Variants in NAALAD2 observed in about 807,000 individuals in gnomAD.
NAALAD2 encodes N-acetylated-alpha-linked acidic dipeptidase 2.
A neutral mutation model predicts 95.6 loss-of-function variants in NAALAD2; 89 were observed. The ratio of observed to expected loss-of-function variants is 0.93; its 90% CI spans 0.78 to 1.11. The LOEUF is 1.11. Ranked by LOEUF, NAALAD2 falls within the 50% of genes least tolerant of loss-of-function variation. The pLI, the probability that NAALAD2 is intolerant of heterozygous loss-of-function variation, is 0.00. For synonymous variants in NAALAD2, 264 were observed against 294.4 expected (o/e 0.90, Z 1.06); for missense variants, 894 against 872.4 (o/e 1.02, Z -0.31).
At chr11:90,168,147 G>T in intron 11 of NAALAD2, among the ~76,000 whole-genome samples, 1 of 152,108 alleles carries the variant, frequency 6.6e-6, no homozygotes, top group South Asian at 2.1e-4. Context: ...AACAACTCCA[G>T]ATGGGCCGCC....
At chr11:90,157,629 T>C (rs1952154775) in intron 6 of NAALAD2, among the ~76,000 whole-genome samples, 1 of 152,190 alleles carries the variant, frequency 6.6e-6, no homozygotes, top group Non-Finnish European at 1.5e-5. Context: ...AAAACAAATT[T>C]GGAAAACTGC....
chr11:90,183,587 G>A (rs540070361), intron 18 of NAALAD2, among the ~76,000 whole-genome samples: 135 of 152,080 alleles, frequency 8.9e-4, no homozygotes, highest in Middle Eastern at 6.8e-3. Context: ...TCATTTTTCG[G>A]CGTTATGATG....
At position 90,171,369 on chromosome 11, in the gene NAALAD2, C is replaced by T. The variant is rs143518372; in HGVS notation, c.1410+1233C>T. ...TCCAAATGAAACTCCTCTCATTTTC[C>T]TCATCACAATGCTCTCACCATCTTG... On this transcript the variant is annotated intron_variant, in intron 13 of 18. Transcript: ENST00000534061. Among the ~76,000 whole-genome samples, 377 of 152,226 alleles carry T rather than the reference C, an allele frequency of 2.5e-3. 4 individuals are homozygous for T. The highest frequency in any genetic ancestry group is 0.021 in the Admixed American group (324 of 15,282).
Position 90,181,607 on chromosome 11 carries a change from A to G in NAALAD2, c.1859-13A>G, listed in dbSNP as rs1952970016. The G allele has an allele frequency of 1.3e-6, 2 of 1,563,330 alleles. No individual in the cohort carries two copies. The highest frequency in any genetic ancestry group is 1.8e-6 in the Non-Finnish European group (2 of 1,141,912). On this transcript the variant is annotated splice_polypyrimidine_tract_variant and intron_variant, in intron 16 of 18. Coordinates refer to ENST00000534061, the MANE Select transcript of NAALAD2 (RefSeq NM_005467.4). ...GAGCTAATTTCTCTTCTTCTTTTCT[A>G]TTTTTAAAAAAGACTCCTTATTTTC...
intron 12 of NAALAD2, 139 bp from the exon 13 acceptor site, chr11:90,169,930 G>A (rs754900249): frequency 3.4e-5 from 22 of 650,302 alleles, no homozygotes; most frequent in African/African-American, 5.5e-5. Context: ...TTTCCACCCT[G>A]TTTTATTCTT....
chr11:90,163,306 C>G lies in NAALAD2; in HGVS notation c.1076-4C>G. ...GTAGGTTTCTTGAACGTATTATTTTCCAGACAGGTATGTTATTCTGGGAGG... is the reference window on the plus strand; with the variant it reads ...GTAGGTTTCTTGAACGTATTATTTTGCAGACAGGTATGTTATTCTGGGAGG... On this transcript the variant is annotated splice_region_variant and splice_polypyrimidine_tract_variant and intron_variant, in intron 9 of 18. Coordinates refer to ENST00000534061, the MANE Select transcript of NAALAD2 (RefSeq NM_005467.4). 1 of 1,610,576 alleles carries G rather than the reference C, an allele frequency of 6.2e-7. No homozygotes were observed. The highest frequency in any genetic ancestry group is 8.5e-7 in the Non-Finnish European group (1 of 1,178,600).
At chr11:90,152,519 A>T (rs1951917019) in intron 6 of NAALAD2, 35 bp downstream of exon 6, 1 of 1,530,422 alleles carries the variant, frequency 6.5e-7, no homozygotes, top group Non-Finnish European at 8.9e-7. Context: ...CCAATTTTGC[A>T]AAAATACTCC....
chr11:90,132,351 A>T (rs1951365087), upstream of NAALAD2: 1 of 152,402 alleles, frequency 6.6e-6, no homozygotes, highest in South Asian at 2.1e-4. Flanking sequence ...GCAAGAAAAA[A>T]TAAATTTAAT....
intron 16 of NAALAD2, among the ~76,000 whole-genome samples, chr11:90,179,559 A>C (rs1431480248): frequency 6.6e-6 from 1 of 152,138 alleles, no homozygotes; most frequent in Non-Finnish European, 1.5e-5. Flanking sequence ...AAGCAAATAA[A>C]ATGTGTTTAT....
At chr11:90,154,030 C>CCTCTCT (rs57531442) in intron 6 of NAALAD2, among the ~76,000 whole-genome samples, 1 of 149,208 alleles carries the variant, frequency 6.7e-6, no homozygotes, top group African/African-American at 2.5e-5. Context: ...GCCCTTCCTT[C>CCTCTCT]CTCTCTCTCT....
intron 18 of NAALAD2, among the ~76,000 whole-genome samples, chr11:90,191,194 AAATT>A (rs982703256): frequency 3.3e-5 from 5 of 152,156 alleles, no homozygotes; most frequent in Non-Finnish European, 5.9e-5. Flanking sequence ...ACACAAAAAT[AAATT>A]ATCTTTCTCA....
intron 13 of NAALAD2, among the ~76,000 whole-genome samples, chr11:90,172,518 C>A (rs114800374): frequency 7.2e-5 from 11 of 152,190 alleles, no homozygotes; most frequent in Non-Finnish European, 1.6e-4. Flanking sequence ...GTGCCAATAC[C>A]CAACATCTTT....
chr11:90,169,900 C>G (rs753346663), intron 12 of NAALAD2, among the ~76,000 whole-genome samples, 169 bp from the exon 13 acceptor site: 1 of 152,020 alleles, frequency 6.6e-6, no homozygotes, highest in Non-Finnish European at 1.5e-5. Context: ...GGTGCAGGCT[C>G]TCTTGCTCCT....
intron 18 of NAALAD2, among the ~76,000 whole-genome samples, chr11:90,188,933 C>A (rs533633964): frequency 6.6e-6 from 1 of 152,162 alleles, no homozygotes; most frequent in East Asian, 1.9e-4. Context: ...AACCCCAGAA[C>A]CTTTGAATAT....
At chr11:90,131,737 T>G (rs1951355573), upstream of NAALAD2, 1 of 152,218 alleles carries the variant, frequency 6.6e-6, no homozygotes, top group Non-Finnish European at 1.5e-5. Context: ...GCTTCAGGGT[T>G]ACAAAACTGC....
At chr11:90,175,830 C>T in intron 14 of NAALAD2, 142 bp from the exon 15 acceptor site, 1 of 432,464 alleles carries the variant, frequency 2.3e-6, no homozygotes, top group Non-Finnish European at 4.0e-6. Context: ...GGTGGTTGAC[C>T]TTTTTTAAAT....
intron 8 of NAALAD2, among the ~76,000 whole-genome samples, chr11:90,160,017 G>T (rs1952250275): frequency 1.6e-5 from 2 of 121,700 alleles, no homozygotes; most frequent in African/African-American, 2.6e-5. Context: ...AAGAGAGAAG[G>T]GGGCCAAAAT....
chr11:90,148,337 T>G (rs565150429), intron 3 of NAALAD2, among the ~76,000 whole-genome samples: 85 of 152,212 alleles, frequency 5.6e-4, no homozygotes, highest in Non-Finnish European at 1.1e-3. Flanking sequence ...AGGACTTGAT[T>G]AGTGATTGAC....
intron 1 of NAALAD2, 129 bp downstream of exon 1, chr11:90,134,969 A>G (rs1454183233): frequency 1.1e-6 from 1 of 922,704 alleles, no homozygotes; most frequent in African/African-American, 1.6e-5. Flanking sequence ...AGATATGATA[A>G]ACTCTGCACA....
Sources: gnomAD v4.1 joint callset for allele counts (sites outside exome capture counted in the v4.1 genomes callset) on GRCh38, gnomAD v4.1.1 for gene constraint, MANE v1.5 for transcripts, NCBI Gene and HGNC (gene_info 2026-07-23, HGNC 2026-07-21) for gene names.